The following SMARCA5 variants were observed in gnomAD, a reference collection of about 807,000 sequenced individuals.
SMARCA5 encodes the protein SWI/SNF-related matrix-associated actin-dependent regulator of chromatin subfamily A member 5.
In SMARCA5, 18 loss-of-function variants were observed where a neutral mutation model predicts 140.4. The ratio of observed to expected loss-of-function variants is 0.13; its 90% confidence interval spans 0.09 to 0.19. The LOEUF is 0.19. SMARCA5 is among the 10% of genes least tolerant of loss of function. The probability of loss-of-function intolerance (pLI) is 1.00; values close to 1 mark genes in which losing one functional copy is unlikely to be tolerated. For synonymous variants in SMARCA5, 449 were observed against 419.6 expected (o/e 1.07, Z -0.86); for missense variants, 606 against 1,276.8 (o/e 0.47, Z 8.01).
Position 143,546,918 on chromosome 4 carries a change from T to C in SMARCA5, c.2653+10T>C. 6.2e-7 allele frequency: 1 copy of C among 1,611,648 alleles called. No homozygotes were observed. The highest frequency in any genetic ancestry group is 8.5e-7 in the Non-Finnish European group (1 of 1,178,554). ...GTCATTGAATATTCAGGTAATTCTT[T>C]TAAGCAGGCTGTTGGAGTTTAGTAA... is the stretch of plus-strand genomic sequence containing the variant. On this transcript the variant is annotated intron_variant, in intron 20 of 23. Transcript: ENST00000283131.
In SMARCA5 at chr4:143,513,986, C is replaced by A. The variant is rs776010437; in HGVS notation, c.62C>A (p.Ala21Glu). The change falls in exon 1 of 24, where the codon GCA becomes GAA. Residue 21 changes from alanine (A) to glutamate (E), a missense_variant. This residue lies in a region of SMARCA5 where 164 missense variants were observed against 128.4 expected (regional missense o/e 1.28). Transcript: ENST00000283131. ...CCCGAGAGCGCGCCTTCCAAGCCCG[C>A]AGCCTCGATCGCCAGCGGCGGGAGC... ...PPPESAPSKP[A>E]ASIASGGSNS... 2 of 1,562,736 alleles carry A rather than the reference C, an allele frequency of 1.3e-6. No individual in the cohort carries two copies. The highest frequency in any genetic ancestry group is 1.4e-5 in the African/African-American group (1 of 73,974).
chr4:143,522,273 G>T (rs1736978805), intron 3 of SMARCA5, among the ~76,000 whole-genome samples: 1 of 152,044 alleles, frequency 6.6e-6, no homozygotes, highest in Non-Finnish European at 1.5e-5. Flanking sequence ...TCCTTTGGTG[G>T]TGGTTGAAAA....
At chr4:143,519,760 C>G (rs115127720) in intron 2 of SMARCA5, among the ~76,000 whole-genome samples, 262 of 152,194 alleles carry the variant, frequency 1.7e-3, no homozygotes, top group African/African-American at 5.8e-3. Context: ...CTGATTGGTG[C>G]CAGTATAAGT....
At chr4:143,523,167 C>T (rs1360191016) in intron 3 of SMARCA5, among the ~76,000 whole-genome samples, 1 of 152,074 alleles carries the variant, frequency 6.6e-6, no homozygotes, top group Non-Finnish European at 1.5e-5. Context: ...GCTGGGATTA[C>T]AGGCTCACGC....
At chr4:143,536,792 AAC>A in intron 11 of SMARCA5, 114 bp downstream of exon 11, 2 of 721,446 alleles carry the variant, frequency 2.8e-6, no homozygotes, top group South Asian at 3.6e-5. Flanking sequence ...TGACGTGTAG[AAC>A]ATTAAAAAAA....
intron 2 of SMARCA5, among the ~76,000 whole-genome samples, chr4:143,517,916 C>T (rs1197822569): frequency 1.3e-5 from 2 of 152,118 alleles, no homozygotes; most frequent in Non-Finnish European, 2.9e-5. Context: ...AATACTATAA[C>T]TTCCATATCT....
At chr4:143,525,250 C>T (rs1468476470) in intron 4 of SMARCA5, among the ~76,000 whole-genome samples, 4 of 152,116 alleles carry the variant, frequency 2.6e-5, no homozygotes, top group South Asian at 2.1e-4. Context: ...TCATGTTTCC[C>T]GCACTTGATT....
At chr4:143,516,205 ATTTTT>A (rs60061501) in intron 1 of SMARCA5, among the ~76,000 whole-genome samples, 5 of 124,408 alleles carry the variant, frequency 4.0e-5, no homozygotes, top group East Asian at 2.3e-4. Context: ...GCATTCATGA[ATTTTT>A]TTTTTTTTTT....
chr4:143,540,395 A>G lies in SMARCA5; in HGVS notation c.1803A>G (p.Thr601=). The G allele has an allele frequency of 6.2e-7, 1 of 1,612,736 alleles. No homozygotes were observed. Among genetic ancestry groups the G allele is most frequent in the Admixed American group, 1.7e-5 (1 of 59,872 alleles). ...CACATAGAATTGGGCAGACTAAGAC[A>G]GTCAGAGTGTTCCGCTTTATAACTG... is the stretch of plus-strand genomic sequence containing the variant. The part of the protein sequence containing the change: ...DRAHRIGQTK[T]VRVFRFITDN... The change falls in exon 14 of 24, where the codon ACA becomes ACG. Residue 601 remains threonine, a synonymous_variant. Coordinates refer to ENST00000283131, the MANE Select transcript of SMARCA5 (RefSeq NM_003601.4).
chr4:143,516,960 G>A (rs1304486102), intron 1 of SMARCA5, among the ~76,000 whole-genome samples: 1 of 152,170 alleles, frequency 6.6e-6, no homozygotes, highest in Non-Finnish European at 1.5e-5. Flanking sequence ...CATTTGTGTG[G>A]TAGCACAGTA....
At chr4:143,551,506 A>T (rs897806709) in intron 23 of SMARCA5, among the ~76,000 whole-genome samples, 1 of 152,046 alleles carries the variant, frequency 6.6e-6, no homozygotes, top group Non-Finnish European at 1.5e-5. Flanking sequence ...AGTTTTCCCA[A>T]TGTTTTCTTG....
At chr4:143,533,498 CTTTTTTTTTTTTT>C (rs10580434) in intron 9 of SMARCA5, among the ~76,000 whole-genome samples, 71,567 of 127,762 alleles carry the variant, frequency 0.56, 18,929 homozygotes, top group Middle Eastern at 0.65. Flanking sequence ...CTTGTCCATT[CTTTTTTTTTTTTT>C]TTTTTTTTTT....
chr4:143,524,157 G>T (rs537202053), intron 3 of SMARCA5, among the ~76,000 whole-genome samples: 1 of 152,144 alleles, frequency 6.6e-6, no homozygotes, highest in Admixed American at 6.5e-5. Context: ...TATCGTACTG[G>T]TGTATTTTAA....
chr4:143,536,428 A>G, intron 10 of SMARCA5, 24 bp from the exon 11 acceptor site: 12 of 1,528,436 alleles, frequency 7.9e-6, no homozygotes, highest in Non-Finnish European at 1.1e-5. Flanking sequence ...TTGAGCTCTA[A>G]AAATGTTTTT....
At chr4:143,538,470 CCCT>C in intron 11 of SMARCA5, 117 bp from the exon 12 acceptor site, 1 of 719,660 alleles carries the variant, frequency 1.4e-6, no homozygotes, top group Non-Finnish European at 2.3e-6. Flanking sequence ...ATTTTTTTCC[CCCT>C]TGTAACCAAG....
rs1737731732 is a variant in SMARCA5, at chr4:143,555,644, A to G, written c.*2460A>G. 3.9e-6 allele frequency: 1 copy of G among 255,948 alleles called. No homozygotes were observed. The highest frequency in any genetic ancestry group is 5.0e-5 in the Admixed American group (1 of 20,164). The allele number at this position is 255,948 out of a possible 1,614,324, so 15.9% of individuals were successfully genotyped here. On this transcript the variant is annotated 3_prime_UTR_variant, in exon 24 of 24. Transcript: ENST00000283131. Reference sequence around the variant, plus strand: ...TGACAAAGTGCTGGAGGCTATTATAAAGTGTAATTATTACTACTTTTAAGA... The same window carrying G: ...TGACAAAGTGCTGGAGGCTATTATAGAGTGTAATTATTACTACTTTTAAGA...
At chr4:143,535,400 C>G (rs1052943882) in intron 10 of SMARCA5, among the ~76,000 whole-genome samples, 2 of 152,078 alleles carry the variant, frequency 1.3e-5, no homozygotes, top group African/African-American at 4.8e-5. Context: ...ATATAGCTAC[C>G]CTTTTCTTTA....
intron 9 of SMARCA5, among the ~76,000 whole-genome samples, chr4:143,532,098 GA>G (rs1347785524): frequency 1.3e-5 from 2 of 152,102 alleles, no homozygotes; most frequent in Non-Finnish European, 2.9e-5. Context: ...TTTGAACAGG[GA>G]AAAAAATTTA....
At position 143,548,042 on chromosome 4, in the gene SMARCA5, G is replaced by C. The variant is rs1737566930; in HGVS notation, c.2887G>C (p.Gly963Arg). 2 of 1,611,964 alleles carry C rather than the reference G, an allele frequency of 1.2e-6. No homozygotes were observed. The highest frequency in any genetic ancestry group is 1.7e-6 in the Non-Finnish European group (2 of 1,178,386). ...RFLICMLHKL[G>R]FDKENVYDEL... The stretch of plus-strand genomic sequence containing the variant: ...TCTGATTTGTATGCTTCACAAACTT[G>C]GATTTGACAAAGAAAATGTTTATGA... Residue 963 changes from glycine (G) to arginine (R), a missense_variant, in exon 22 of 24, where the codon GGA (glycine) becomes CGA (arginine). Physicochemically the swap from Gly to Arg is moderately radical, Grantham distance 125. Coordinates refer to ENST00000283131, the MANE Select transcript of SMARCA5 (RefSeq NM_003601.4).
Sources: allele counts gnomAD v4.1 joint callset (sites outside exome capture counted in the v4.1 genomes callset), GRCh38; gene constraint gnomAD v4.1.1; regional missense constraint gnomAD v4.1.1; transcripts MANE v1.5; gene names NCBI Gene and HGNC (gene_info 2026-07-23, HGNC 2026-07-21).